The following SLC22A24 variants were observed in gnomAD, a reference collection of about 807,000 sequenced individuals.
The protein encoded by SLC22A24 is steroid transmembrane transporter SLC22A24.
A neutral mutation model predicts 49.8 loss-of-function variants in SLC22A24; 53 were observed. The observed-to-expected ratio is 1.06, with a 90% CI of 0.85 to 1.34. SLC22A24 has a LOEUF of 1.34. SLC22A24 is among the 40% of genes most tolerant of loss of function. The pLI is 0.00. For missense variants in SLC22A24, 786 were observed against 675.9 expected, an observed-to-expected ratio of 1.16 and a Z score of -1.81; for synonymous variants, 302 against 256.4, an observed-to-expected ratio of 1.18 and a Z score of -1.70.
At chr11:63,139,090 T>C (rs1474826868) in intron 1 of SLC22A24, among the ~76,000 whole-genome samples, 38 of 152,206 alleles carry the variant, frequency 2.5e-4, no homozygotes. Context: ...TATAGGCATA[T>C]TTAAAAGGCC....
chr11:63,109,171 T>G (rs1333150440), intron 4 of SLC22A24, among the ~76,000 whole-genome samples: 1 of 150,272 alleles, frequency 6.7e-6, no homozygotes, highest in African/African-American at 2.4e-5. Flanking sequence ...ACAAAGGACA[T>G]GAACTCATCA....
intron 2 of SLC22A24, among the ~76,000 whole-genome samples, 155 bp downstream of exon 2, chr11:63,134,510 A>C (rs2087359044): frequency 6.6e-6 from 1 of 152,206 alleles, no homozygotes; most frequent in African/African-American, 2.4e-5. Flanking sequence ...TCAAATAAGC[A>C]TTCTTAATCA....
intron 4 of SLC22A24, among the ~76,000 whole-genome samples, chr11:63,111,749 TA>T (rs1289897293): frequency 2.0e-5 from 3 of 152,200 alleles, no homozygotes; most frequent in Admixed American, 6.5e-5. Flanking sequence ...TTTTTTTCTG[TA>T]TTAGACTTGC....
At chr11:63,083,116 T>C in intron 7 of SLC22A24, 127 bp downstream of exon 7, 1 of 741,730 alleles carries the variant, frequency 1.3e-6, no homozygotes, top group Non-Finnish European at 2.2e-6. Context: ...ACCCTCATAT[T>C]AACTTCAGGG....
intron 6 of SLC22A24, among the ~76,000 whole-genome samples, chr11:63,087,319 G>A (rs571967115): frequency 2.6e-5 from 4 of 152,244 alleles, no homozygotes; most frequent in African/African-American, 4.8e-5. Context: ...CAGCTCACCC[G>A]GGAAGTGCAA....
intron 5 of SLC22A24, among the ~76,000 whole-genome samples, chr11:63,096,619 G>A (rs2087056452): frequency 6.6e-6 from 1 of 152,192 alleles, no homozygotes; most frequent in African/African-American, 2.4e-5. Flanking sequence ...ATGTGTGCAT[G>A]TGTCTTTATG....
intron 1 of SLC22A24, among the ~76,000 whole-genome samples, chr11:63,141,175 A>G (rs2087413233): frequency 1.3e-5 from 2 of 152,224 alleles, no homozygotes; most frequent in South Asian, 4.1e-4. Context: ...AACTGGATAG[A>G]GATATAAAAT....
chr11:63,125,921 T>C (rs2087287246), intron 2 of SLC22A24, among the ~76,000 whole-genome samples: 1 of 152,230 alleles, frequency 6.6e-6, no homozygotes. Flanking sequence ...ATGATGAGCA[T>C]TTTTTCCTAT....
intron 5 of SLC22A24, among the ~76,000 whole-genome samples, chr11:63,100,482 G>A (rs1371969736): frequency 6.6e-6 from 1 of 152,102 alleles, no homozygotes; most frequent in Non-Finnish European, 1.5e-5. Flanking sequence ...TTGTTAAAAT[G>A]TCCATACTAC....
In SLC22A24 at chr11:63,079,993, CT is replaced by C; in HGVS notation, c.1605del (p.Asp536IlefsTer5). On this transcript the variant is annotated frameshift_variant, in exon 10 of 10. Transcript: ENST00000612278. LOFTEE classifies it low-confidence loss of function (END_TRUNC). ...NTIQDVENDR[K>X]DSRNIKQEDT... ...TCTTCCTGCTTTATGTTTCTTGAAT[CT>C]TTTCTGCTGAGAAATAGAAATGCAA... is the stretch of plus-strand genomic sequence containing the variant. 1 of 1,534,056 alleles carries C rather than the reference CT, an allele frequency of 6.5e-7. No individual in the cohort carries two copies. The highest frequency in any genetic ancestry group is 8.8e-7 in the Non-Finnish European group (1 of 1,131,302).
chr11:63,137,699 A>G (rs937446934), intron 1 of SLC22A24, among the ~76,000 whole-genome samples: 1 of 152,236 alleles, frequency 6.6e-6, no homozygotes, highest in Non-Finnish European at 1.5e-5. Flanking sequence ...ATTGGGCAGC[A>G]TCTTGCAAAT....
rs765671687 is a variant in SLC22A24 at position 63,081,539 on chromosome 11, T to G, written c.1394+19A>C. The G allele has an allele frequency of 2.0e-6, 3 of 1,506,338 alleles. No homozygotes were observed. In the East Asian group the frequency reaches 7.4e-5, roughly 37 times the overall value. The allele number at this position is 1,506,338 out of a possible 1,614,324, so 93.3% of individuals were successfully genotyped here. On this transcript the variant is annotated intron_variant, in intron 8 of 9. Coordinates refer to ENST00000612278, the MANE Select transcript of SLC22A24 (RefSeq NM_001136506.2). ...CAGAAATTTGTGTTTTGAAACCAGA[T>G]GGTCTTTAGCTCTTGTACCTCAATA...
intron 2 of SLC22A24, among the ~76,000 whole-genome samples, chr11:63,128,783 C>T (rs1379534803): frequency 6.6e-6 from 1 of 152,180 alleles, no homozygotes; most frequent in East Asian, 1.9e-4. Flanking sequence ...TACCCTGCCC[C>T]CTTGTCTTGT....
At chr11:63,141,047 TG>T (rs1231804329) in intron 1 of SLC22A24, among the ~76,000 whole-genome samples, 1 of 152,228 alleles carries the variant, frequency 6.6e-6, no homozygotes, top group Non-Finnish European at 1.5e-5. Flanking sequence ...GGCCAGAATC[TG>T]GGCCCATGTG....
chr11:63,106,783 T>A (rs988799944), intron 4 of SLC22A24, among the ~76,000 whole-genome samples: 128 of 152,312 alleles, frequency 8.4e-4, no homozygotes, highest in Non-Finnish European at 1.5e-3. Context: ...GTTGTTTGCT[T>A]TTTTCTTGTA....
intron 2 of SLC22A24, among the ~76,000 whole-genome samples, chr11:63,124,967 T>G (rs1233808971): frequency 9.0e-4 from 114 of 126,828 alleles, no homozygotes; most frequent in Middle Eastern, 3.7e-3. Context: ...GTGGGGGGAG[T>G]GGGGAGGGAT....
chr11:63,083,114 A>G lies in SLC22A24; in HGVS notation c.1285+129T>C, dbSNP rs1409892462. 8.2e-6 allele frequency: 6 copies of G among 734,408 alleles called. No individual in the cohort carries two copies. The South Asian group carries it at 9.2e-5, about 11-fold the overall frequency. The allele number at this position is 734,408 out of a possible 1,614,324, so 45.5% of individuals were successfully genotyped here. On this transcript the variant is annotated intron_variant, in intron 7 of 9. Coordinates refer to ENST00000612278, the MANE Select transcript of SLC22A24 (RefSeq NM_001136506.2). ...GTCAGAATCAGTTCCAAACCCTCAT[A>G]TTAACTTCAGGGAATCTTTTGGCTG... is the stretch of plus-strand genomic sequence containing the variant.
chr11:63,141,117 C>T (rs1039110235), intron 1 of SLC22A24, among the ~76,000 whole-genome samples: 3 of 151,994 alleles, frequency 2.0e-5, no homozygotes, highest in Admixed American at 6.6e-5. Flanking sequence ...AATTGTAAAG[C>T]GTTCTAAAAA....
intron 5 of SLC22A24, among the ~76,000 whole-genome samples, chr11:63,098,186 A>T (rs936646286): frequency 6.6e-6 from 1 of 152,182 alleles, no homozygotes; most frequent in Non-Finnish European, 1.5e-5. Flanking sequence ...GAAACTATAC[A>T]GACACATGGA....
Sources: gnomAD v4.1 joint callset for allele counts (sites outside exome capture counted in the v4.1 genomes callset) on GRCh38, gnomAD v4.1.1 for gene constraint, MANE v1.5 for transcripts, NCBI Gene and HGNC (gene_info 2026-07-23, HGNC 2026-07-21) for gene names.